SYNPO2: variants seen among roughly 807,000 people sequenced by gnomAD.
The protein encoded by SYNPO2 is synaptopodin 2.
SYNPO2 carries 56 observed loss-of-function variants against 85.0 expected under a neutral mutation model. The ratio of observed to expected loss-of-function variants is 0.66; its 90% CI spans 0.53 to 0.82. The LOEUF (loss-of-function observed/expected upper bound fraction) is 0.82. Among genes scored for constraint, SYNPO2 ranks in the 40% least tolerant of loss-of-function variants. The probability of loss-of-function intolerance (pLI) is 0.00; values close to 1 mark genes in which losing one functional copy is unlikely to be tolerated. For synonymous variants in SYNPO2, 602 were observed against 591.1 expected, an observed-to-expected ratio of 1.02 and a Z score of -0.27; for missense variants, 1,575 against 1,534.2, an observed-to-expected ratio of 1.03 and a Z score of -0.44.
chr4:119,038,297 A>G, intron 4 of SYNPO2: 2 of 985,392 alleles, frequency 2.0e-6, no homozygotes, highest in Non-Finnish European at 2.4e-6. Flanking sequence ...AAGATGGCTC[A>G]GAAAATCAGA....
chr4:119,007,276 G>GTATATACATATATATATA (rs1737109785), intron 1 of SYNPO2, among the ~76,000 whole-genome samples: 2 of 34,810 alleles, frequency 5.7e-5, no homozygotes, highest in East Asian at 2.1e-3. Flanking sequence ...ATATATATAT[G>GTATATACATATATATATA]TATATACATA....
intron 1 of SYNPO2, among the ~76,000 whole-genome samples, chr4:119,022,356 G>A (rs1323151080): frequency 2.0e-5 from 3 of 151,876 alleles, no homozygotes; most frequent in African/African-American, 2.4e-5. Flanking sequence ...GTTTTAAGAC[G>A]GGGTCTTGCT....
At chr4:118,861,514 T>C (rs1308508048) in intron 1 of SYNPO2, among the ~76,000 whole-genome samples, 1 of 152,088 alleles carries the variant, frequency 6.6e-6, no homozygotes, top group Non-Finnish European at 1.5e-5. Flanking sequence ...TGATTTGATT[T>C]TGGTGTAAGG....
At chr4:118,922,561 C>T (rs1037166626) in intron 1 of SYNPO2, among the ~76,000 whole-genome samples, 1 of 151,836 alleles carries the variant, frequency 6.6e-6, no homozygotes, top group African/African-American at 2.4e-5. Flanking sequence ...CTCTTTTCTA[C>T]CTGCATATTC....
intron 1 of SYNPO2, among the ~76,000 whole-genome samples, chr4:118,927,776 T>TGATA (rs70944822): frequency 0.019 from 1,994 of 102,684 alleles, 27 homozygotes; most frequent in Middle Eastern, 0.053. Context: ...GATAGATAGA[T>TGATA]GATAGATAGA....
At chr4:119,018,479 C>G (rs1438691165) in intron 1 of SYNPO2, among the ~76,000 whole-genome samples, 1 of 151,982 alleles carries the variant, frequency 6.6e-6, no homozygotes, top group Non-Finnish European at 1.5e-5. Context: ...GGATTGCTGG[C>G]TAGTTCTAGT....
chr4:119,042,496 T>A (rs751212775), intron 4 of SYNPO2: 1 of 152,212 alleles, frequency 6.6e-6, no homozygotes, highest in Non-Finnish European at 1.5e-5. Flanking sequence ...CTTAAATCTA[T>A]CTGGCAGTAA....
chr4:118,992,923 C>T (rs79296837), intron 1 of SYNPO2, among the ~76,000 whole-genome samples: 12,615 of 152,210 alleles, frequency 0.083, 638 homozygotes, highest in East Asian at 0.12. Flanking sequence ...CTGTTGTCTA[C>T]AAGACAGTTC....
At chr4:118,876,667 CTCTTTCTTTCTTTCTTTCTTT>C (rs1731918588) in intron 1 of SYNPO2, among the ~76,000 whole-genome samples, 42 of 112,168 alleles carry the variant, frequency 3.7e-4, no homozygotes, top group Middle Eastern at 3.9e-3. Context: ...TCCTTCCTTT[CTCTTTCTTTCTTTCTTTCTTT>C]CTTTCTTTCT....
At chr4:118,862,897 G>A (rs1254896904) in intron 1 of SYNPO2, among the ~76,000 whole-genome samples, 3 of 151,456 alleles carry the variant, frequency 2.0e-5, no homozygotes, top group Non-Finnish European at 2.9e-5. Context: ...TGCAACCTCC[G>A]CATCCTGGGT....
chr4:119,025,061 C>A (rs965179262), intron 2 of SYNPO2, among the ~76,000 whole-genome samples: 1 of 152,182 alleles, frequency 6.6e-6, no homozygotes, highest in Admixed American at 6.5e-5. Flanking sequence ...TGTTTTAAGG[C>A]ATAAAGCTTT....
chr4:118,852,442 C>T (rs770980065), intron 1 of SYNPO2, among the ~76,000 whole-genome samples: 2 of 152,060 alleles, frequency 1.3e-5, no homozygotes, highest in Non-Finnish European at 2.9e-5. Context: ...CAGCAGTATT[C>T]GCAATAGCAA....
intron 1 of SYNPO2, among the ~76,000 whole-genome samples, chr4:118,935,593 C>A (rs1028652896): frequency 6.6e-6 from 1 of 152,228 alleles, no homozygotes; most frequent in Non-Finnish European, 1.5e-5. Context: ...TTGAGATACA[C>A]AAATAAGTTG....
At chr4:118,917,396 AG>A in intron 1 of SYNPO2, among the ~76,000 whole-genome samples, 1 of 152,238 alleles carries the variant, frequency 6.6e-6, no homozygotes, top group Admixed American at 6.5e-5. Context: ...CATCTCGAAC[AG>A]AAAACAAACC....
intron 1 of SYNPO2, among the ~76,000 whole-genome samples, chr4:118,860,208 A>G (rs1731584281): frequency 6.6e-6 from 1 of 152,124 alleles, no homozygotes; most frequent in African/African-American, 2.4e-5. Flanking sequence ...TTCTTTTGAG[A>G]AATGTCTATT....
chr4:119,035,448 G>A, intron 4 of SYNPO2: 1 of 985,322 alleles, frequency 1.0e-6, no homozygotes, highest in Non-Finnish European at 1.2e-6. Flanking sequence ...TTTTAGAGAG[G>A]AAAACAAACA....
chr4:119,048,417 G>A (rs758366421), intron 4 of SYNPO2, among the ~76,000 whole-genome samples: 14 of 152,104 alleles, frequency 9.2e-5, no homozygotes, highest in Non-Finnish European at 7.4e-5. Flanking sequence ...ACTGTTCTAG[G>A]GAAGCCTTAA....
At chr4:118,952,583 T>C (rs28526423) in intron 1 of SYNPO2, among the ~76,000 whole-genome samples, 1 of 152,168 alleles carries the variant, frequency 6.6e-6, no homozygotes, top group Non-Finnish European at 1.5e-5. Context: ...TTCATTCTAG[T>C]AAGACAGGTA....
chr4:118,977,495 C>T (rs778929015), intron 1 of SYNPO2, among the ~76,000 whole-genome samples: 12 of 152,220 alleles, frequency 7.9e-5, no homozygotes, highest in Non-Finnish European at 1.6e-4. Flanking sequence ...AAAGGGGCTC[C>T]CACAGTGCAG....
Sources: gnomAD v4.1 joint callset for allele counts (sites outside exome capture counted in the v4.1 genomes callset) on GRCh38, gnomAD v4.1.1 for gene constraint, MANE v1.5 for transcripts, NCBI Gene and HGNC (gene_info 2026-07-23, HGNC 2026-07-21) for gene names.